MRTFB: variants seen among roughly 807,000 people sequenced by gnomAD.
MRTFB encodes myocardin related transcription factor B.
MRTFB carries 29 observed loss-of-function variants against 104.2 expected under a neutral mutation model. The observed-to-expected ratio is 0.28, with a 90% CI of 0.21 to 0.38. The LOEUF is 0.38. Ranked by LOEUF, MRTFB falls within the 10% of genes least tolerant of loss-of-function variation. The pLI, the probability that MRTFB is intolerant of heterozygous loss-of-function variation, is 1.00. For missense variants in MRTFB, 1,270 were observed against 1,341.6 expected (o/e 0.95, Z 0.83); for synonymous variants, 535 against 519.5 (o/e 1.03, Z -0.41).
chr16:14,023,221 T>G, the MRTFB span, among the ~76,000 whole-genome samples: 1 of 151,906 alleles, frequency 6.6e-6, no homozygotes, highest in South Asian at 2.1e-4. Context: ...GGAGGTTGCT[T>G]GAGCCCAGGA....
At chr16:14,216,313 G>A (rs2041424239) in intron 6 of MRTFB, among the ~76,000 whole-genome samples, 1 of 152,172 alleles carries the variant, frequency 6.6e-6, no homozygotes, top group Non-Finnish European at 1.5e-5. Context: ...AGCTTAAGAG[G>A]CAAGCAACTT....
chr16:14,224,347 A>C (rs1264610330), intron 8 of MRTFB, among the ~76,000 whole-genome samples: 1 of 152,220 alleles, frequency 6.6e-6, no homozygotes, highest in Admixed American at 6.5e-5. Flanking sequence ...ATGGCCTACT[A>C]CACCTACTAC....
chr16:14,234,231 T>C lies in MRTFB; in HGVS notation c.779T>C (p.Val260Ala), dbSNP rs1344940649. Residue 260 changes from valine (V) to alanine (A), a missense_variant, in exon 9 of 17, where the codon GTC (valine) becomes GCC (alanine). Physicochemically the swap from Val to Ala is moderately conservative, Grantham distance 64. Around this residue, in one of 3 missense-constraint regions of MRTFB, gnomAD observed 1,144 missense variants for 1,131.5 expected, o/e 1.01. Coordinates refer to ENST00000571589, the MANE Select transcript of MRTFB (RefSeq NM_001308142.2). The stretch of plus-strand genomic sequence containing the variant: ...CCTCCCCCACGGCCTGCAGCTCCTG[T>C]CCTCCCCACAAACACTGTGTCCTCA... ...DQPPPRPAAP[V>A]LPTNTVSSAK... 2 of 1,614,026 alleles carry C rather than the reference T, an allele frequency of 1.2e-6. No homozygotes were observed. Among genetic ancestry groups the C allele is most frequent in the African/African-American group, 2.7e-5 (2 of 74,898 alleles).
intron 1 of MRTFB, among the ~76,000 whole-genome samples, chr16:14,072,646 C>T (rs1432529335): frequency 1.3e-5 from 2 of 152,186 alleles, no homozygotes; most frequent in African/African-American, 4.8e-5. Context: ...GATTGCACCA[C>T]TGCCCTCCAG....
chr16:14,178,721 G>A (rs983048254), intron 3 of MRTFB, among the ~76,000 whole-genome samples: 2 of 152,018 alleles, frequency 1.3e-5, no homozygotes, highest in Non-Finnish European at 2.9e-5. Context: ...GGGCTTTTCA[G>A]TGTATGGGGG....
the MRTFB span, among the ~76,000 whole-genome samples, chr16:14,063,232 G>T: frequency 6.6e-6 from 1 of 152,142 alleles, no homozygotes; most frequent in Non-Finnish European, 1.5e-5. Context: ...ACACCCTTCT[G>T]CTTCTGGTTT....
In MRTFB at chr16:14,195,680, C is replaced by T. The variant is rs151293404; in HGVS notation, c.155-14563C>T. 68 of 467,004 alleles carry T rather than the reference C, an allele frequency of 1.5e-4. No individual in the cohort carries two copies. In the East Asian group the frequency reaches 9.6e-3, roughly 66 times the overall value. The allele number at this position is 467,004 out of a possible 1,614,324, so 28.9% of individuals were successfully genotyped here. A position where few individuals can be genotyped will look rare whatever the true frequency, so the allele number is the denominator to read the frequency against. On this transcript the variant is annotated intron_variant, in intron 3 of 16. Coordinates refer to ENST00000571589, the MANE Select transcript of MRTFB (RefSeq NM_001308142.2). ...CACCTTACGCATTTGTATTAAGAAA[C>T]ATGAGAACATTCTATACAATGTACA...
At chr16:14,252,139 T>TA in intron 14 of MRTFB, 116 bp downstream of exon 14, 1 of 1,302,452 alleles carries the variant, frequency 7.7e-7, no homozygotes, top group East Asian at 2.3e-5. Context: ...TTGTTGAAAA[T>TA]ACAGTGATAA....
At chr16:14,189,079 AATAG>A (rs200910554) in intron 3 of MRTFB, among the ~76,000 whole-genome samples, 8,480 of 152,226 alleles carry the variant, frequency 0.056, 720 homozygotes, top group African/African-American at 0.18. Flanking sequence ...CTACTCATCT[AATAG>A]ATAGGGTTGA....
the MRTFB span, among the ~76,000 whole-genome samples, chr16:14,059,326 C>T: frequency 6.6e-6 from 1 of 152,102 alleles, no homozygotes; most frequent in East Asian, 1.9e-4. Context: ...ACTTACTGCT[C>T]TCATCTAGCT....
chr16:14,170,010 A>C (rs2039370962), intron 3 of MRTFB: 1 of 152,220 alleles, frequency 6.6e-6, no homozygotes, highest in South Asian at 2.1e-4. Context: ...AAGGAATTTC[A>C]ATAAGCTATA....
chr16:14,139,688 T>G lies in MRTFB; in HGVS notation c.-63-856T>G, dbSNP rs540398777. On this transcript the variant is annotated intron_variant, in intron 2 of 16. Transcript: ENST00000571589. ...CCATATAGATACCTGTACGGGAGCA[T>G]TTGTAGCATCCTTATTTGTAATAGT... Among the ~76,000 whole-genome samples the G allele has an allele frequency of 5.3e-5, 8 of 152,324 alleles. No individual in the cohort carries two copies. The South Asian group carries it at 1.7e-3, about 32-fold the overall frequency.
intron 8 of MRTFB, among the ~76,000 whole-genome samples, chr16:14,227,885 TCAA>T (rs940856145): frequency 3.4e-5 from 5 of 148,852 alleles, no homozygotes; most frequent in African/African-American, 1.3e-4. Context: ...CTCCCACAAC[TCAA>T]CAACAAAAAA....
chr16:14,160,120 C>G (rs1281235718), intron 3 of MRTFB, among the ~76,000 whole-genome samples: 1 of 152,056 alleles, frequency 6.6e-6, no homozygotes, highest in African/African-American at 2.4e-5. Flanking sequence ...TCCCCACTTT[C>G]CCCAAAAATG....
At position 14,225,007 on chromosome 16, in the gene MRTFB, A is replaced by G. The variant is rs139025752; in HGVS notation, c.693+6009A>G. 8.8e-4 allele frequency among the ~76,000 whole-genome samples: 134 copies of G among 152,184 alleles called. 2 individuals are homozygous for G. The East Asian group carries it at 0.025, about 29-fold the overall frequency. On this transcript the variant is annotated intron_variant, in intron 8 of 16. Coordinates refer to ENST00000571589, the MANE Select transcript of MRTFB (RefSeq NM_001308142.2). ...TTCAAGACCAGCCTGACCAACATGG[A>G]GAAACCCTGTCTCTACTAAAAATAC... is the stretch of plus-strand genomic sequence containing the variant.
intron 3 of MRTFB, among the ~76,000 whole-genome samples, chr16:14,191,486 T>C (rs1186682272): frequency 2.6e-5 from 4 of 152,238 alleles, no homozygotes; most frequent in Non-Finnish European, 5.9e-5. Flanking sequence ...TTTCACCTTA[T>C]GCTAGTGTAA....
At chr16:14,110,100 C>G (rs771834999) in intron 2 of MRTFB, among the ~76,000 whole-genome samples, 3 of 152,198 alleles carry the variant, frequency 2.0e-5, no homozygotes, top group Non-Finnish European at 4.4e-5. Context: ...TATGGACTTA[C>G]TAGAAACATC....
intron 3 of MRTFB, among the ~76,000 whole-genome samples, chr16:14,192,310 G>C (rs555223946): frequency 2.0e-5 from 3 of 152,154 alleles, no homozygotes; most frequent in Admixed American, 2.0e-4. Context: ...GGAGTTTGAG[G>C]CTGCAGTAAG....
At chr16:14,232,350 G>GT (rs1358471509) in intron 8 of MRTFB, among the ~76,000 whole-genome samples, 2 of 152,150 alleles carry the variant, frequency 1.3e-5, no homozygotes, top group African/African-American at 4.8e-5. Flanking sequence ...AACCAACCAC[G>GT]TAAAGTCATA....
Sources: gnomAD v4.1 joint callset for allele counts (sites outside exome capture counted in the v4.1 genomes callset) on GRCh38, gnomAD v4.1.1 for gene constraint, gnomAD v4.1.1 regional missense constraint, MANE v1.5 for transcripts, NCBI Gene and HGNC (gene_info 2026-07-23, HGNC 2026-07-21) for gene names.